DDHD1: variants seen among roughly 807,000 people sequenced by gnomAD.
The protein encoded by DDHD1 is phospholipase DDHD1.
In DDHD1, 49 loss-of-function variants were observed where a neutral mutation model predicts 96.4. The ratio of observed to expected loss-of-function variants is 0.51; its 90% CI spans 0.40 to 0.64. DDHD1 has a LOEUF of 0.64. DDHD1 is among the 30% of genes least tolerant of loss of function. DDHD1 has a pLI of 0.00. For missense variants in DDHD1, 1,106 were observed against 1,161.2 expected (o/e 0.95, Z 0.69); for synonymous variants, 442 against 446.5 (o/e 0.99, Z 0.13).
chr14:53,055,991 A>T, intron 9 of DDHD1, 79 bp from the exon 10 acceptor site: 1 of 1,214,102 alleles, frequency 8.2e-7, no homozygotes. Context: ...TTCTTACTCT[A>T]CTGCATGTTA....
intron 1 of DDHD1, among the ~76,000 whole-genome samples, chr14:53,137,334 G>C (rs1250210755): frequency 6.6e-6 from 1 of 152,248 alleles, no homozygotes; most frequent in Non-Finnish European, 1.5e-5. Context: ...GCTCACGCCT[G>C]AAATCCCAAC....
chr14:53,094,974 G>A (rs1427693464), intron 2 of DDHD1, among the ~76,000 whole-genome samples: 1 of 152,138 alleles, frequency 6.6e-6, no homozygotes, highest in Middle Eastern at 3.2e-3. Context: ...GCCAGGGAAT[G>A]TGTCTTGACC....
chr14:53,059,439 CT>C (rs1883345835), intron 8 of DDHD1, among the ~76,000 whole-genome samples: 2 of 151,228 alleles, frequency 1.3e-5, no homozygotes, highest in Admixed American at 1.3e-4. Context: ...TAGAGATGGG[CT>C]TTTACTGTGT....
intron 1 of DDHD1, among the ~76,000 whole-genome samples, chr14:53,122,582 G>T (rs1438734328): frequency 7.0e-6 from 1 of 143,808 alleles, no homozygotes; most frequent in Non-Finnish European, 1.5e-5. Flanking sequence ...TCTGCTAATA[G>T]TTTTTTTTTT....
chr14:53,074,877 C>T (rs1197215767), intron 4 of DDHD1, among the ~76,000 whole-genome samples: 2 of 152,276 alleles, frequency 1.3e-5, no homozygotes, highest in East Asian at 3.9e-4. Flanking sequence ...TGTGCTCACT[C>T]TGTGTCTCTG....
intron 12 of DDHD1, 34 bp downstream of exon 12, chr14:53,051,810 G>A (rs1458889173): frequency 1.3e-6 from 2 of 1,502,736 alleles, no homozygotes; most frequent in Non-Finnish European, 1.8e-6. Flanking sequence ...CATTTTTATA[G>A]TATTCTGAAT....
rs997058084 is a variant in DDHD1 at position 53,152,556 on chromosome 14, G to C, written c.543C>G (p.Pro181=). ...FYKEDKKTWK[P]FIGYDSLRIE... ...TGCGGAGCGAGTCGTAGCCGATGAA[G>C]GGCTTCCAGGTCTTCTTGTCCTCCT... The change falls in exon 1 of 13, where the codon CCC becomes CCG. Residue 181 remains proline, a synonymous_variant. Coordinates refer to ENST00000673822, the MANE Select transcript of DDHD1 (RefSeq NM_001160148.2). 3 of 1,613,942 alleles carry C rather than the reference G, an allele frequency of 1.9e-6. No individual in the cohort carries two copies. In the Admixed American group the frequency reaches 5.0e-5, roughly 27 times the overall value.
In DDHD1 at chr14:53,131,821, A is replaced by G. The variant is rs145656724; in HGVS notation, c.838+20440T>C. Among the ~76,000 whole-genome samples the G allele has an allele frequency of 1.8e-3, 269 of 152,086 alleles. 1 individual carries two copies. The highest frequency in any genetic ancestry group is 6.3e-3 in the African/African-American group (260 of 41,484). On this transcript the variant is annotated intron_variant, in intron 1 of 12. Transcript: ENST00000673822. ...ACACCCTCCTGCTCCTCCAACATCT[A>G]TTCTCAAAAGGACATCGCACATCCC...
At chr14:53,082,135 C>T (rs1055449650) in intron 4 of DDHD1, among the ~76,000 whole-genome samples, 1 of 152,184 alleles carries the variant, frequency 6.6e-6, no homozygotes, top group South Asian at 2.1e-4. Flanking sequence ...CATTACTGTG[C>T]TGCTATGCAT....
chr14:53,047,419 A>T (rs1882113207), intron 12 of DDHD1, among the ~76,000 whole-genome samples: 1 of 152,190 alleles, frequency 6.6e-6, no homozygotes, highest in African/African-American at 2.4e-5. Context: ...TGTGTGAGGG[A>T]TATGTTAGAA....
intron 1 of DDHD1, among the ~76,000 whole-genome samples, chr14:53,150,421 G>A (rs1011087921): frequency 3.9e-5 from 6 of 152,112 alleles, no homozygotes; most frequent in Non-Finnish European, 8.8e-5. Flanking sequence ...CATTAATTTC[G>A]CTGAGCCCAT....
intron 6 of DDHD1, 73 bp from the exon 7 acceptor site, chr14:53,063,278 A>T: frequency 6.7e-7 from 1 of 1,484,754 alleles, no homozygotes; most frequent in Non-Finnish European, 9.0e-7. Flanking sequence ...AAACTCAAAT[A>T]CATTAAGGTA....
intron 6 of DDHD1, among the ~76,000 whole-genome samples, chr14:53,065,470 T>G (rs1353518904): frequency 6.6e-6 from 1 of 152,248 alleles, no homozygotes; most frequent in Non-Finnish European, 1.5e-5. Flanking sequence ...TTTCTTGTGT[T>G]ACTTTAGAGT....
chr14:53,123,113 C>CTGT lies in DDHD1; in HGVS notation c.839-19260_839-19258dup, dbSNP rs200602511. 7.6e-3 allele frequency among the ~76,000 whole-genome samples: 958 copies of CTGT among 125,284 alleles called. 16 individuals carry two copies. The highest frequency in any genetic ancestry group is 0.03 in the African/African-American group (928 of 30,694). The allele number at this position is 125,284 out of a possible 152,430, so 82.2% of individuals were successfully genotyped here. ...GAGACACAAATGTACCAGATAATTG[C>CTGT]TGTTATTATTATTATTATTATTATT... is the stretch of plus-strand genomic sequence containing the variant. On this transcript the variant is annotated intron_variant, in intron 1 of 12. Transcript: ENST00000673822.
intron 1 of DDHD1, among the ~76,000 whole-genome samples, chr14:53,119,137 C>T (rs1358969135): frequency 6.6e-6 from 1 of 152,134 alleles, no homozygotes; most frequent in Non-Finnish European, 1.5e-5. Context: ...ATCCCTAGGC[C>T]TGCCTTACAA....
rs974680235 is a variant in DDHD1, at chr14:53,116,379, T to C, written c.839-12523A>G. On this transcript the variant is annotated intron_variant, in intron 1 of 12. Transcript: ENST00000673822. ...TCAACTCTGGACCAAGATGACCTAA[T>C]AGACATCTACGGAACTCTCCACCCC... Among the ~76,000 whole-genome samples the C allele has an allele frequency of 4.6e-5, 7 of 152,156 alleles. No homozygotes were observed. In the East Asian group the frequency reaches 1.2e-3, roughly 25 times the overall value.
intron 6 of DDHD1, among the ~76,000 whole-genome samples, chr14:53,067,160 T>TC (rs1304844895): frequency 6.6e-6 from 1 of 151,256 alleles, no homozygotes; most frequent in African/African-American, 2.4e-5. Context: ...CCTTTTCTTT[T>TC]TTTTTTTTTT....
chr14:53,077,385 A>T (rs190900841), intron 4 of DDHD1, among the ~76,000 whole-genome samples: 200 of 152,322 alleles, frequency 1.3e-3, no homozygotes, highest in Non-Finnish European at 2.2e-3. Context: ...TTAAATATTT[A>T]GCTGCACTGG....
At chr14:53,082,932 T>C (rs1341484232) in intron 4 of DDHD1, among the ~76,000 whole-genome samples, 3 of 151,998 alleles carry the variant, frequency 2.0e-5, no homozygotes, top group Non-Finnish European at 4.4e-5. Context: ...CAGAAGTCTA[T>C]AGCATGCACC....
Sources: allele counts gnomAD v4.1 joint callset (sites outside exome capture counted in the v4.1 genomes callset), GRCh38; gene constraint gnomAD v4.1.1; transcripts MANE v1.5; gene names NCBI Gene and HGNC (gene_info 2026-07-23, HGNC 2026-07-21).